The following PHACTR2 variants were observed in gnomAD, a reference collection of about 807,000 sequenced individuals.
PHACTR2 encodes the protein chromosome 6 open reading frame 56.
Under a neutral mutation model 76.0 loss-of-function variants are expected in PHACTR2, and 30 were observed. That is an observed-to-expected ratio of 0.39 (90% confidence interval 0.30 to 0.54). The LOEUF is 0.54. Ranked by LOEUF, PHACTR2 falls within the 20% of genes least tolerant of loss-of-function variation. The pLI is 0.61. For missense variants in PHACTR2, 696 were observed against 781.1 expected (o/e 0.89, Z 1.30); for synonymous variants, 292 against 292.5 (o/e 1.00, Z 0.02).
At position 143,581,105 on chromosome 6, in the gene PHACTR2, T is replaced by A. The variant is rs13212626; in HGVS notation, c.217+43898T>A. On this transcript the variant is annotated intron_variant, in intron 1 of 11. Coordinates refer to the PHACTR2 transcript ENST00000367584. The surrounding 1 kb of genome is among the most constrained non-coding windows in gnomAD (Gnocchi z 4.5). ...CCCTCAGGGCCAAAACCAGAGGGAG[T>A]TGGACACCAGAGTGATAAGCAGACA... Among the ~76,000 whole-genome samples, 45,153 of 152,028 alleles carry A rather than the reference T, an allele frequency of 0.3. 6,788 individuals carry two copies. The highest frequency in any genetic ancestry group is 0.42 in the Middle Eastern group (123 of 292).
chr6:143,806,170 T>A lies in PHACTR2; in HGVS notation c.1846-887T>A, dbSNP rs1776058644. Among the ~76,000 whole-genome samples, 1 of 152,228 alleles carries A rather than the reference T, an allele frequency of 6.6e-6. No individual in the cohort carries two copies. The highest frequency in any genetic ancestry group is 1.5e-5 in the Non-Finnish European group (1 of 68,032). ...AACCATCTGTAATCCTGCCACTATTTGTTAACAGATAACTAATGTTAACAT... is the reference window on the plus strand; with the variant it reads ...AACCATCTGTAATCCTGCCACTATTAGTTAACAGATAACTAATGTTAACAT... On this transcript the variant is annotated intron_variant, in intron 11 of 12. Coordinates refer to ENST00000440869, the MANE Select transcript of PHACTR2 (RefSeq NM_001100164.2). This position sits in a 1 kb window ranked among gnomAD's most constrained non-coding sequence, Gnocchi z 5.8.
rs1776890473 is a variant in PHACTR2, at chr6:143,658,557, A to G, written c.13+50235A>G. On this transcript the variant is annotated intron_variant, in intron 1 of 11. Transcript: ENST00000305766. The surrounding 1 kb of genome is among the most constrained non-coding windows in gnomAD (Gnocchi z 4.1). ...CCTGGATGGAATAGCCTACTATACA[A>G]CCTAGGCTGTATGGTATAGCTTATT... Among the ~76,000 whole-genome samples the G allele has an allele frequency of 6.6e-6, 1 of 152,172 alleles. No homozygotes were observed. The highest frequency in any genetic ancestry group is 1.5e-5 in the Non-Finnish European group (1 of 68,022).
In PHACTR2 at chr6:143,818,201, C is replaced by A. The variant is rs962366021; in HGVS notation, c.1923-5473C>A. Among the ~76,000 whole-genome samples, 2 of 151,950 alleles carry A rather than the reference C, an allele frequency of 1.3e-5. No individual in the cohort carries two copies. Among genetic ancestry groups the A allele is most frequent in the African/African-American group, 4.8e-5 (2 of 41,450 alleles). On this transcript the variant is annotated intron_variant, in intron 12 of 12. Coordinates refer to ENST00000440869, the MANE Select transcript of PHACTR2 (RefSeq NM_001100164.2). The surrounding 1 kb of genome is among the most constrained non-coding windows in gnomAD (Gnocchi z 4.9). ...CAGAGGTAGAAATTCAGATGATCACCTTTTCTATTCCATGCTACCCAGAGA... is the reference window on the plus strand; with the variant it reads ...CAGAGGTAGAAATTCAGATGATCACATTTTCTATTCCATGCTACCCAGAGA...
intron 1 of PHACTR2, among the ~76,000 whole-genome samples, chr6:143,699,547 G>C (rs916387907): frequency 1.3e-5 from 2 of 152,174 alleles, no homozygotes; most frequent in Admixed American, 1.3e-4. Flanking sequence ...TTCAACTCCA[G>C]CTTCTTGCTA....
chr6:143,798,326 C>T (rs1479898093), intron 11 of PHACTR2, among the ~76,000 whole-genome samples: 2 of 152,194 alleles, frequency 1.3e-5, no homozygotes, highest in African/African-American at 4.8e-5. Context: ...TCCAAATATA[C>T]AGTCATGTCG....
intron 1 of PHACTR2, among the ~76,000 whole-genome samples, chr6:143,694,188 G>A (rs1324749931): frequency 6.7e-6 from 1 of 148,712 alleles, no homozygotes; most frequent in Non-Finnish European, 1.5e-5. Flanking sequence ...AAGGAGGGAG[G>A]GAGGGAGGAA....
chr6:143,709,809 A>T lies in PHACTR2; in HGVS notation c.47-2207A>T, dbSNP rs1778131966. On this transcript the variant is annotated intron_variant, in intron 1 of 12. Transcript: ENST00000440869. The surrounding 1 kb of genome is among the most constrained non-coding windows in gnomAD (Gnocchi z 4.4). ...CTCTGTATTAGGGGGAAGGGGAGAG[A>T]TACCCAGTTATTGCTGGGTAGGGCT... 6.6e-6 allele frequency among the ~76,000 whole-genome samples: 1 copy of T among 152,030 alleles called. No homozygotes were observed. Among genetic ancestry groups the T allele is most frequent in the Admixed American group, 6.6e-5 (1 of 15,256 alleles).
At chr6:143,813,282 A>G (rs962456814) in intron 12 of PHACTR2, among the ~76,000 whole-genome samples, 4 of 152,162 alleles carry the variant, frequency 2.6e-5, no homozygotes, top group Non-Finnish European at 4.4e-5. Context: ...TCAAGTGGGA[A>G]AGTCAGGATA....
chr6:143,759,679 C>CAAAAAAAAAA (rs796561358), intron 4 of PHACTR2, among the ~76,000 whole-genome samples: 1 of 68,264 alleles, frequency 1.5e-5, no homozygotes, highest in Admixed American at 1.5e-4. Flanking sequence ...CACACACATA[C>CAAAAAAAAAA]AAAAAAAAAA....
chr6:143,713,324 G>A (rs761969536), intron 2 of PHACTR2, among the ~76,000 whole-genome samples: 2 of 152,178 alleles, frequency 1.3e-5, no homozygotes, highest in Non-Finnish European at 2.9e-5. Context: ...AATAATCCTG[G>A]AGGAGTGTGA....
rs183140849 is a variant in PHACTR2 at position 143,789,836 on chromosome 6, C to T, written c.1845+926C>T. ...GAGATACAGATTCAGAAATCCTTAG[C>T]TCATAAGTAGAAATGAAAAGTAAGA... On this transcript the variant is annotated intron_variant, in intron 11 of 12. Coordinates refer to ENST00000440869, the MANE Select transcript of PHACTR2 (RefSeq NM_001100164.2). The surrounding 1 kb of genome is among the most constrained non-coding windows in gnomAD (Gnocchi z 5.1). 3.9e-5 allele frequency among the ~76,000 whole-genome samples: 6 copies of T among 152,092 alleles called. No individual in the cohort carries two copies. In the East Asian group the frequency reaches 1.2e-3, roughly 29 times the overall value.
In PHACTR2 at chr6:143,678,277, C is replaced by CA. The variant is rs1777298370; in HGVS notation, c.46+69dup. 1.5e-6 allele frequency: 2 copies of CA among 1,368,942 alleles called. No homozygotes were observed. Among genetic ancestry groups the CA allele is most frequent in the South Asian group, 3.4e-5 (2 of 59,386 alleles). 84.8% of individuals were successfully genotyped at this position (1,368,942 alleles called of 1,614,324 possible). A position where few individuals can be genotyped will look rare whatever the true frequency, so the allele number is the denominator to read the frequency against. On this transcript the variant is annotated intron_variant, in intron 1 of 12. Transcript: ENST00000440869. The surrounding 1 kb of genome is among the most constrained non-coding windows in gnomAD (Gnocchi z 6.2). ...CAGGGCTGGCGGCGGGGCCCCGGGG[C>CA]AGGCAGGGTTAGTCGTCTGGTCGGG...
rs1778119113 is a variant in PHACTR2 at position 143,709,359 on chromosome 6, G to A, written c.47-2657G>A. On this transcript the variant is annotated intron_variant, in intron 1 of 12. Coordinates refer to ENST00000440869, the MANE Select transcript of PHACTR2 (RefSeq NM_001100164.2). The surrounding 1 kb of genome is among the most constrained non-coding windows in gnomAD (Gnocchi z 4.4). ...TTAGAGTAGACTTCACTAGTGGAAG[G>A]AATAGGATTTATTCCAATTTGTGTG... 6.6e-6 allele frequency among the ~76,000 whole-genome samples: 1 copy of A among 152,200 alleles called. No homozygotes were observed. The highest frequency in any genetic ancestry group is 1.5e-5 in the Non-Finnish European group (1 of 68,038).
intron 1 of PHACTR2, among the ~76,000 whole-genome samples, chr6:143,635,202 CAG>C (rs1776429058): frequency 1.3e-5 from 2 of 152,198 alleles, no homozygotes; most frequent in Non-Finnish European, 2.9e-5. Context: ...TTTCACTTAA[CAG>C]TATCCATTGG....
At position 143,710,595 on chromosome 6, in the gene PHACTR2, G is replaced by A. The variant is rs1435357178; in HGVS notation, c.47-1421G>A. Among the ~76,000 whole-genome samples the A allele has an allele frequency of 6.6e-6, 1 of 152,190 alleles. No individual in the cohort carries two copies. Among genetic ancestry groups the A allele is most frequent in the African/African-American group, 2.4e-5 (1 of 41,448 alleles). On this transcript the variant is annotated intron_variant, in intron 1 of 12. Transcript: ENST00000440869. This position sits in a 1 kb window ranked among gnomAD's most constrained non-coding sequence, Gnocchi z 4.9. ...GTAGTCAGTCCCAGCTGCTTGGGAG[G>A]CTGAGGCAGGAGAATTGCTTGAACC... is the stretch of plus-strand genomic sequence containing the variant.
At position 143,616,423 on chromosome 6, in the gene PHACTR2, C is replaced by T. The variant is rs923966961; in HGVS notation, c.13+8101C>T. Among the ~76,000 whole-genome samples the T allele has an allele frequency of 2.6e-5, 4 of 152,128 alleles. No homozygotes were observed. Among genetic ancestry groups the T allele is most frequent in the Non-Finnish European group, 4.4e-5 (3 of 68,032 alleles). Reference sequence around the variant, plus strand: ...GTATCTTCTGTTATTTTCCATGTATCCTCTACATCTACCAGTCTGTTCCAC... The same window carrying T: ...GTATCTTCTGTTATTTTCCATGTATTCTCTACATCTACCAGTCTGTTCCAC... On this transcript the variant is annotated intron_variant, in intron 1 of 11. Transcript: ENST00000305766. The surrounding 1 kb of genome is among the most constrained non-coding windows in gnomAD (Gnocchi z 4.9).
chr6:143,686,843 T>C (rs1242745691), intron 1 of PHACTR2, among the ~76,000 whole-genome samples: 4 of 152,166 alleles, frequency 2.6e-5, no homozygotes, highest in African/African-American at 9.6e-5. Flanking sequence ...GCTTTGGACA[T>C]GATCGAACCC....
rs1239591152 is a variant in PHACTR2 at position 143,696,099 on chromosome 6, A to G, written c.47-15917A>G. Among the ~76,000 whole-genome samples, 2 of 152,218 alleles carry G rather than the reference A, an allele frequency of 1.3e-5. No homozygotes were observed. The highest frequency in any genetic ancestry group is 6.5e-5 in the Admixed American group (1 of 15,284). ...AAAAATTCGCAATTTCCCAGCTGGT[A>G]GGAAATAGAGCCACGTCCAACTCTT... On this transcript the variant is annotated intron_variant, in intron 1 of 12. Coordinates refer to ENST00000440869, the MANE Select transcript of PHACTR2 (RefSeq NM_001100164.2). This position sits in a 1 kb window ranked among gnomAD's most constrained non-coding sequence, Gnocchi z 4.1.
Position 143,618,116 on chromosome 6 carries a change from G to GT in PHACTR2, c.13+9795dup, listed in dbSNP as rs1776086254. Reference sequence around the variant, plus strand: ...TGCTATGATTTAATCATCACTAACTGTATCTGTACCAAGAGGCTGGGTCAG... The same window carrying GT: ...TGCTATGATTTAATCATCACTAACTGTTATCTGTACCAAGAGGCTGGGTCAG... On this transcript the variant is annotated intron_variant, in intron 1 of 11. Coordinates refer to the PHACTR2 transcript ENST00000305766. The surrounding 1 kb of genome is among the most constrained non-coding windows in gnomAD (Gnocchi z 5.2). 6.6e-6 allele frequency among the ~76,000 whole-genome samples: 1 copy of GT among 152,102 alleles called. No individual in the cohort carries two copies.
Sources: allele counts gnomAD v4.1 joint callset (sites outside exome capture counted in the v4.1 genomes callset), GRCh38; gene constraint gnomAD v4.1.1; non-coding constraint Gnocchi (gnomAD v3.1); transcripts MANE v1.5; gene names NCBI Gene and HGNC (gene_info 2026-07-23, HGNC 2026-07-21).